Variants in TRPC3 observed in about 807,000 individuals in gnomAD.
The protein encoded by TRPC3 is transient receptor potential cation channel subfamily C member 3, also known as short transient receptor potential channel 3.
Under a neutral mutation model 90.9 loss-of-function variants are expected in TRPC3, and 54 were observed. The ratio of observed to expected loss-of-function variants is 0.59; its 90% CI spans 0.48 to 0.75. TRPC3 has a LOEUF of 0.75. Ranked by LOEUF, TRPC3 falls within the 30% of genes least tolerant of loss-of-function variation. TRPC3 has a pLI of 0.00. For synonymous variants in TRPC3, 424 were observed against 450.9 expected (o/e 0.94, Z 0.75); for missense variants, 918 against 1,194.5 (o/e 0.77, Z 3.41).
chr4:121,905,035 T>C (rs1728832415), intron 7 of TRPC3, among the ~76,000 whole-genome samples: 1 of 152,086 alleles, frequency 6.6e-6, no homozygotes, highest in Non-Finnish European at 1.5e-5. Flanking sequence ...TATATCCAGA[T>C]GATGGAATGC....
At chr4:121,943,476 A>T (rs1000470364) in intron 1 of TRPC3, among the ~76,000 whole-genome samples, 1 of 152,160 alleles carries the variant, frequency 6.6e-6, no homozygotes, top group Non-Finnish European at 1.5e-5. Context: ...ACAGGAGATA[A>T]ATCTTAAAAT....
intron 9 of TRPC3, among the ~76,000 whole-genome samples, chr4:121,899,988 T>C (rs1002924662): frequency 3.4e-4 from 52 of 152,282 alleles, no homozygotes; most frequent in African/African-American, 1.2e-3. Flanking sequence ...CTGGGGACCT[T>C]GTATACTTTA....
chr4:121,928,130 C>T (rs543859286), intron 2 of TRPC3, among the ~76,000 whole-genome samples: 1 of 152,216 alleles, frequency 6.6e-6, no homozygotes, highest in South Asian at 2.1e-4. Flanking sequence ...ACTTAGTACC[C>T]ACATCTGTAG....
At chr4:121,907,201 TA>T in intron 7 of TRPC3, 101 bp downstream of exon 7, 5 of 1,149,188 alleles carry the variant, frequency 4.4e-6, no homozygotes, top group Non-Finnish European at 5.0e-6. Context: ...TTTCTGTGCT[TA>T]AAAACATCTT....
intron 10 of TRPC3, among the ~76,000 whole-genome samples, chr4:121,894,555 GTTTTTTTTT>G (rs374034360): frequency 1.6e-4 from 10 of 63,370 alleles, no homozygotes; most frequent in South Asian, 1.5e-3. Flanking sequence ...TACACATTCT[GTTTTTTTTT>G]TTTTTTTTTT....
chr4:121,920,093 AC>A (rs1729451462), intron 3 of TRPC3, among the ~76,000 whole-genome samples: 1 of 152,206 alleles, frequency 6.6e-6, no homozygotes, highest in African/African-American at 2.4e-5. Context: ...ATTTTCTTGT[AC>A]CCATTTTCAG....
intron 10 of TRPC3, among the ~76,000 whole-genome samples, chr4:121,890,756 C>T (rs571651066): frequency 1.2e-4 from 18 of 152,146 alleles, no homozygotes; most frequent in Non-Finnish European, 1.9e-4. Flanking sequence ...CTTTGGGAGG[C>T]CGAGATGGGT....
Position 121,910,264 on chromosome 4 carries a change from A to G in TRPC3, c.1682T>C (p.Phe561Ser), listed in dbSNP as rs763139089. Residue 561 changes from phenylalanine to serine, a missense_variant, in exon 6 of 12, where the codon TTC becomes TCC. By Grantham distance (155) the Phe-to-Ser change is radical (BLOSUM62 -2). Around this residue, in one of 4 missense-constraint regions of TRPC3, gnomAD observed 147 missense variants for 263.5 expected, o/e 0.56. Transcript: ENST00000379645. ...SIFIAAFTAR[F>S]LAFLQATKAQ... ...CTTCGTTGCCTGAAGGAAAGCTAGG[A>G]ATCTGGCTGTGAAAGCAGCAATGAA... 1 of 1,613,848 alleles carries G rather than the reference A, an allele frequency of 6.2e-7. No homozygotes were observed. Among genetic ancestry groups the G allele is most frequent in the Non-Finnish European group, 8.5e-7 (1 of 1,179,808 alleles).
At chr4:121,915,069 G>T in intron 3 of TRPC3, 125 bp from the exon 4 acceptor site, 1 of 766,990 alleles carries the variant, frequency 1.3e-6, no homozygotes, top group Non-Finnish European at 1.9e-6. Context: ...CTAGCATATT[G>T]GTACTGGAAG....
Position 121,911,668 on chromosome 4 carries a change from C to T in TRPC3, c.1558+209G>A, listed in dbSNP as rs577747225. Among the ~76,000 whole-genome samples the T allele has an allele frequency of 3.3e-5, 5 of 152,222 alleles. No individual in the cohort carries two copies. The East Asian group carries it at 9.6e-4, about 29-fold the overall frequency. ...TATATTTGTAATTAGGGTCACGTTA[C>T]TCATAAAAAATTTTATGTAGTGTTA... On this transcript the variant is annotated intron_variant, in intron 5 of 11. Coordinates refer to ENST00000379645, the MANE Select transcript of TRPC3 (RefSeq NM_001130698.2).
chr4:121,903,108 T>A (rs780422037), intron 8 of TRPC3, 47 bp from the exon 9 acceptor site: 1 of 1,513,430 alleles, frequency 6.6e-7, no homozygotes, highest in African/African-American at 1.4e-5. Context: ...ATGCTAAATA[T>A]TCTAGTGACT....
chr4:121,910,024 GC>G (rs1729024720), intron 6 of TRPC3, 129 bp downstream of exon 6: 3 of 699,324 alleles, frequency 4.3e-6, no homozygotes, highest in Non-Finnish European at 7.1e-6. Flanking sequence ...CAAAGTTCAT[GC>G]TTTCTCCACT....
intron 3 of TRPC3, among the ~76,000 whole-genome samples, chr4:121,923,727 G>A (rs988133802): frequency 1.3e-5 from 2 of 152,188 alleles, no homozygotes; most frequent in African/African-American, 4.8e-5. Flanking sequence ...TCACACAGGA[G>A]CACATGGTGA....
In TRPC3 at chr4:121,875,342, G is replaced by A. The variant is rs1727734209; in HGVS notation, c.*4394C>T. On this transcript the variant is annotated 3_prime_UTR_variant, in exon 12 of 12. Transcript: ENST00000379645. The stretch of plus-strand genomic sequence containing the variant: ...ATGATATTTGGAATTCTTTGATTTT[G>A]CATCTAAAAATGCAATTTATTATTT... Among the ~76,000 whole-genome samples the A allele has an allele frequency of 2.0e-5, 3 of 152,106 alleles. No homozygotes were observed. Among genetic ancestry groups the A allele is most frequent in the Admixed American group, 2.0e-4 (3 of 15,272 alleles).
At chr4:121,883,782 G>C (rs1221117721) in intron 10 of TRPC3, among the ~76,000 whole-genome samples, 1 of 152,016 alleles carries the variant, frequency 6.6e-6, no homozygotes, top group Non-Finnish European at 1.5e-5. Flanking sequence ...TATTGCACAG[G>C]CTTGCCTCAA....
chr4:121,947,086 G>A (rs1730516990), intron 1 of TRPC3, among the ~76,000 whole-genome samples: 1 of 145,728 alleles, frequency 6.9e-6, no homozygotes, highest in African/African-American at 2.5e-5. Context: ...GGGAGGCTAA[G>A]ATTTGAGGAT....
intron 9 of TRPC3, among the ~76,000 whole-genome samples, chr4:121,902,051 A>G (rs1227232793): frequency 3.3e-5 from 5 of 152,244 alleles, no homozygotes; most frequent in Non-Finnish European, 7.3e-5. Flanking sequence ...ACGAGAAAAA[A>G]TATCTACCTT....
chr4:121,939,849 CA>C (rs1730244939), intron 1 of TRPC3, among the ~76,000 whole-genome samples: 1 of 152,198 alleles, frequency 6.6e-6, no homozygotes, highest in South Asian at 2.1e-4. Flanking sequence ...AGACATAGAA[CA>C]GTGCCCAGAG....
Position 121,914,983 on chromosome 4 carries a change from G to A in TRPC3, c.1177-39C>T, listed in dbSNP as rs575487292. The stretch of plus-strand genomic sequence containing the variant: ...GAGAGTTTGAGAAGGGGAGAGAAAG[G>A]TAAGTTACCATACCATTGTCAATAG... On this transcript the variant is annotated intron_variant, in intron 3 of 11. Transcript: ENST00000379645. 3.9e-6 allele frequency: 6 copies of A among 1,542,894 alleles called. No individual in the cohort carries two copies. In the East Asian group the frequency reaches 1.1e-4, roughly 29 times the overall value.
Sources: allele counts gnomAD v4.1 joint callset (sites outside exome capture counted in the v4.1 genomes callset), GRCh38; gene constraint gnomAD v4.1.1; regional missense constraint gnomAD v4.1.1; transcripts MANE v1.5; gene names NCBI Gene and HGNC (gene_info 2026-07-23, HGNC 2026-07-21).